FNDC3B: variants seen among roughly 807,000 people sequenced by gnomAD.
FNDC3B encodes fibronectin type III domain containing 3B.
Under a neutral mutation model 151.5 loss-of-function variants are expected in FNDC3B, and 12 were observed. The observed-to-expected ratio is 0.08, with a 90% CI of 0.05 to 0.13. The LOEUF is 0.13. Ranked by LOEUF, FNDC3B falls within the 10% of genes least tolerant of loss-of-function variation. The probability of loss-of-function intolerance (pLI) is 1.00; values close to 1 mark genes in which losing one functional copy is unlikely to be tolerated. For synonymous variants in FNDC3B, 528 were observed against 549.0 expected, an observed-to-expected ratio of 0.96 and a Z score of 0.54; for missense variants, 1,214 against 1,505.3, an observed-to-expected ratio of 0.81 and a Z score of 3.20.
rs1716774298 is a variant in FNDC3B at position 172,053,593 on chromosome 3, G to A, written c.-29+13822G>A. ...TTGAGACACACCTGACCAACATGGT[G>A]AAACCCCATCTCTACTAAAAATACA... On this transcript the variant is annotated intron_variant, in intron 1 of 25. Coordinates refer to ENST00000415807, the MANE Select transcript of FNDC3B (RefSeq NM_022763.4). Among the ~76,000 whole-genome samples the A allele has an allele frequency of 2.6e-5, 4 of 152,226 alleles. No individual in the cohort carries two copies. In the South Asian group the frequency reaches 6.2e-4, roughly 24 times the overall value.
intron 3 of FNDC3B, among the ~76,000 whole-genome samples, chr3:172,197,788 G>A (rs1048807533): frequency 6.6e-6 from 1 of 152,188 alleles, no homozygotes; most frequent in Non-Finnish European, 1.5e-5. Context: ...AAGTGACACT[G>A]TGCTCTCATT....
chr3:172,307,168 T>G, intron 9 of FNDC3B, 195 bp from the exon 10 acceptor site: 1 of 576,962 alleles, frequency 1.7e-6, no homozygotes, highest in East Asian at 2.9e-5. Context: ...CTGAGACAAA[T>G]ACCTGTTGGG....
intron 10 of FNDC3B, among the ~76,000 whole-genome samples, chr3:172,308,945 G>A (rs541151925): frequency 2.6e-5 from 4 of 152,192 alleles, no homozygotes; most frequent in East Asian, 1.9e-4. Context: ...GAGGGATCCC[G>A]GGGTCTTATA....
In FNDC3B at chr3:172,052,647, T is replaced by C. The variant is rs372676554; in HGVS notation, c.-29+12876T>C. ...CTGGGACATTATAGGGCTGTGTGTT[T>C]GGAGAGGGGCGGTGCCTGTGAGGCT... On this transcript the variant is annotated intron_variant, in intron 1 of 25. Transcript: ENST00000415807. 2.6e-5 allele frequency among the ~76,000 whole-genome samples: 4 copies of C among 152,292 alleles called. 1 individual carries two copies. The highest frequency in any genetic ancestry group is 9.6e-5 in the African/African-American group (4 of 41,558).
intron 4 of FNDC3B, among the ~76,000 whole-genome samples, chr3:172,228,062 C>T (rs1333424446): frequency 6.6e-6 from 1 of 152,050 alleles, no homozygotes; most frequent in Non-Finnish European, 1.5e-5. Flanking sequence ...TTTATGTGAG[C>T]CAATTGGACT....
rs76091092 is a variant in FNDC3B at position 172,344,057 on chromosome 3, C to T, written c.2078-29C>T. 9,593 of 1,593,586 alleles carry T rather than the reference C, an allele frequency of 6.0e-3. 539 individuals carry two copies. In the African/African-American group the frequency reaches 0.11, roughly 19 times the overall value. ...TGGTCAACTGGAAGCACAAAGTGTT[C>T]TAAGATGAAAAAAATTCTTCATTCC... is the stretch of plus-strand genomic sequence containing the variant. On this transcript the variant is annotated intron_variant, in intron 18 of 25. Coordinates refer to ENST00000415807, the MANE Select transcript of FNDC3B (RefSeq NM_022763.4).
rs1300035782 is a variant in FNDC3B, at chr3:172,144,931, T to C, written c.187+11385T>C. Among the ~76,000 whole-genome samples, 4 of 152,194 alleles carry C rather than the reference T, an allele frequency of 2.6e-5. No individual in the cohort carries two copies. The South Asian group carries it at 6.2e-4, about 24-fold the overall frequency. On this transcript the variant is annotated intron_variant, in intron 3 of 25. Coordinates refer to ENST00000415807, the MANE Select transcript of FNDC3B (RefSeq NM_022763.4). The stretch of plus-strand genomic sequence containing the variant: ...ACAGAATGGGGGTTTCCTTTATGAT[T>C]CCTGCTTTTGAGTTCTTTGAATTAG...
chr3:172,183,612 G>A (rs1022257274), intron 3 of FNDC3B, among the ~76,000 whole-genome samples: 3 of 152,124 alleles, frequency 2.0e-5, no homozygotes, highest in Admixed American at 2.0e-4. Context: ...GACATTTCAT[G>A]GTTTCACTTA....
At chr3:172,337,218 A>G in intron 15 of FNDC3B, 112 bp from the exon 16 acceptor site, 1 of 649,514 alleles carries the variant, frequency 1.5e-6, no homozygotes, top group Admixed American at 2.9e-5. Context: ...CCTTTTGGTC[A>G]TGTCTAGAAT....
At chr3:172,095,650 A>G (rs565584623) in intron 1 of FNDC3B, among the ~76,000 whole-genome samples, 1 of 152,096 alleles carries the variant, frequency 6.6e-6, no homozygotes, top group African/African-American at 2.4e-5. Context: ...TCTGTGTACT[A>G]TTTTTCCCCT....
chr3:172,337,631 C>A (rs1055345346), intron 16 of FNDC3B: 3 of 467,844 alleles, frequency 6.4e-6, no homozygotes, highest in African/African-American at 6.1e-5. Context: ...TTTTCTGTAT[C>A]TTTTTCATTG....
chr3:172,224,925 A>G (rs970603247), intron 3 of FNDC3B, among the ~76,000 whole-genome samples: 5 of 152,214 alleles, frequency 3.3e-5, no homozygotes, highest in Non-Finnish European at 7.3e-5. Context: ...ACCAGTGGCC[A>G]TGAGGTTCTT....
At chr3:172,211,491 G>A (rs1173418954) in intron 3 of FNDC3B, among the ~76,000 whole-genome samples, 1 of 152,212 alleles carries the variant, frequency 6.6e-6, no homozygotes, top group Admixed American at 6.5e-5. Flanking sequence ...ACCTGATTTT[G>A]CAAAGGGGCA....
chr3:172,263,014 TC>T (rs1728732483), intron 6 of FNDC3B, among the ~76,000 whole-genome samples: 1 of 150,330 alleles, frequency 6.7e-6, no homozygotes. Context: ...AATGAAGATG[TC>T]ATGCTTATTT....
intron 17 of FNDC3B, among the ~76,000 whole-genome samples, chr3:172,342,151 G>A (rs949341736): frequency 6.6e-6 from 1 of 152,166 alleles, no homozygotes; most frequent in Non-Finnish European, 1.5e-5. Flanking sequence ...CAGTTTTTGT[G>A]TTTACTTTCT....
chr3:172,092,343 A>G (rs1450053121), intron 1 of FNDC3B, among the ~76,000 whole-genome samples: 2 of 152,198 alleles, frequency 1.3e-5, no homozygotes, highest in Non-Finnish European at 2.9e-5. Flanking sequence ...ACCTTGTGTT[A>G]GGTATACATT....
chr3:172,176,081 G>A (rs779006338), intron 3 of FNDC3B, among the ~76,000 whole-genome samples: 2 of 152,224 alleles, frequency 1.3e-5, no homozygotes, highest in Non-Finnish European at 2.9e-5. Flanking sequence ...TCCCAAACCA[G>A]TTCCAAGCCA....
chr3:172,096,660 A>AT (rs1719103460), intron 1 of FNDC3B, among the ~76,000 whole-genome samples: 1 of 99,136 alleles, frequency 1.0e-5, no homozygotes. Context: ...TATAATCTGT[A>AT]GCCCCTTACT....
chr3:172,251,470 G>A lies in FNDC3B; in HGVS notation c.719G>A (p.Ser240Asn). The change falls in exon 6 of 26, where the codon AGT (serine) becomes AAT (asparagine). Residue 240 changes from serine to asparagine, a missense_variant. Coordinates refer to ENST00000415807, the MANE Select transcript of FNDC3B (RefSeq NM_022763.4). ...GGAAGTGGCGGAGGCGGCAGCGGTAGTGGTCCCGGAATTAAGAAAACAGAG... is the reference window on the plus strand; with the variant it reads ...GGAAGTGGCGGAGGCGGCAGCGGTAATGGTCCCGGAATTAAGAAAACAGAG... ...SGGSGGGGSG[S>N]GPGIKKTERR... The A allele has an allele frequency of 6.2e-7, 1 of 1,614,166 alleles. No individual in the cohort carries two copies.
Sources: gnomAD v4.1 joint callset for allele counts (sites outside exome capture counted in the v4.1 genomes callset) on GRCh38, gnomAD v4.1.1 for gene constraint, MANE v1.5 for transcripts, NCBI Gene and HGNC (gene_info 2026-07-23, HGNC 2026-07-21) for gene names.